The following SIPA1L3 variants were observed in gnomAD, a reference collection of about 807,000 sequenced individuals.
SIPA1L3 encodes signal induced proliferation associated 1 like 3.
SIPA1L3 carries 59 observed loss-of-function variants against 150.1 expected under a neutral mutation model. The ratio of observed to expected loss-of-function variants is 0.39; its 90% CI spans 0.32 to 0.49. The LOEUF is 0.49. Ranked by LOEUF, SIPA1L3 falls within the 20% of genes least tolerant of loss-of-function variation. SIPA1L3 has a pLI of 0.86. For synonymous variants in SIPA1L3, 1,070 were observed against 1,077.6 expected, an observed-to-expected ratio of 0.99 and a Z score of 0.14; for missense variants, 2,211 against 2,489.5, an observed-to-expected ratio of 0.89 and a Z score of 2.38.
At position 38,082,629 on chromosome 19, in the gene SIPA1L3, C is replaced by A; in HGVS notation, c.1064C>A (p.Ala355Glu). Residue 355 changes from alanine (A) to glutamate (E), a missense_variant, in exon 3 of 22, where the codon GCG (alanine) becomes GAG (glutamate). Physicochemically the swap from Ala to Glu is moderately radical, Grantham distance 107. Coordinates refer to ENST00000222345, the MANE Select transcript of SIPA1L3 (RefSeq NM_015073.3). ...VQSMLFDLNE[A>E]AANRVSVSQR... ...AGCATGCTGTTCGACCTCAACGAGG[C>A]GGCCGCCAACAGGGTGTCGGTGTCG... 1 of 1,605,326 alleles carries A rather than the reference C, an allele frequency of 6.2e-7. No individual in the cohort carries two copies. Among genetic ancestry groups the A allele is most frequent in the Non-Finnish European group, 8.5e-7 (1 of 1,179,754 alleles).
intron 19 of SIPA1L3, chr19:38,199,756 T>C (rs565846470): frequency 7.9e-4 from 120 of 152,170 alleles, no homozygotes; most frequent in African/African-American, 2.7e-3. Context: ...AATGAAGATA[T>C]ATGTGGGTTT....
chr19:38,121,509 G>A (rs1420711889), intron 9 of SIPA1L3, among the ~76,000 whole-genome samples: 1 of 151,780 alleles, frequency 6.6e-6, no homozygotes, highest in Non-Finnish European at 1.5e-5. Flanking sequence ...GGGAGGCCGA[G>A]GTGGGCAGAT....
At chr19:37,961,698 A>G (rs1313552441) in intron 1 of SIPA1L3, among the ~76,000 whole-genome samples, 5 of 150,926 alleles carry the variant, frequency 3.3e-5, no homozygotes, top group Non-Finnish European at 7.4e-5. Flanking sequence ...ACTTGTTCAG[A>G]TTTTTTTTTC....
At chr19:38,151,824 C>T (rs1180933210) in intron 12 of SIPA1L3, among the ~76,000 whole-genome samples, 3 of 152,006 alleles carry the variant, frequency 2.0e-5, no homozygotes, top group South Asian at 2.1e-4. Context: ...ATTAGCCGGG[C>T]GTGTAACATG....
chr19:37,921,226 G>A (rs1041675648), intron 1 of SIPA1L3, among the ~76,000 whole-genome samples: 54 of 152,204 alleles, frequency 3.5e-4, no homozygotes, highest in African/African-American at 1.3e-3. Flanking sequence ...ACGCCTTTAC[G>A]GCCGGCCGGC....
chr19:38,156,747 C>A (rs918110682), intron 13 of SIPA1L3, among the ~76,000 whole-genome samples: 5 of 152,166 alleles, frequency 3.3e-5, no homozygotes, highest in African/African-American at 9.7e-5. Context: ...ATCGCTTGAA[C>A]CCGGGAGACA....
At position 37,986,043 on chromosome 19, in the gene SIPA1L3, G is replaced by A. The variant is rs16978759; in HGVS notation, c.-378-43046G>A. 7.6e-3 allele frequency among the ~76,000 whole-genome samples: 1,159 copies of A among 152,366 alleles called. 20 individuals are homozygous for A. The highest frequency in any genetic ancestry group is 0.06 in the East Asian group (313 of 5,184). On this transcript the variant is annotated intron_variant, in intron 1 of 21. Transcript: ENST00000222345. ...TCAGCTCAAAGCTGTCTGCCCTAGA[G>A]AAGCTCCAGAAAGCAGCCAAGCCAG...
intron 2 of SIPA1L3, among the ~76,000 whole-genome samples, chr19:38,038,969 C>T (rs1485458734): frequency 6.6e-6 from 1 of 152,120 alleles, no homozygotes; most frequent in Non-Finnish European, 1.5e-5. Context: ...CCACAACCTC[C>T]GCCTCCGAGG....
intron 12 of SIPA1L3, 113 bp downstream of exon 12, chr19:38,142,823 G>A: frequency 7.3e-7 from 1 of 1,376,988 alleles, no homozygotes; most frequent in East Asian, 2.3e-5. Context: ...TGGTGTTTCT[G>A]GACCCCTGAA....
rs1017820722 is a variant in SIPA1L3, at chr19:37,977,730, A to G, written c.-378-51359A>G. Among the ~76,000 whole-genome samples, 11 of 152,204 alleles carry G rather than the reference A, an allele frequency of 7.2e-5. No homozygotes were observed. The South Asian group carries it at 1.2e-3, about 17-fold the overall frequency. On this transcript the variant is annotated intron_variant, in intron 1 of 21. Transcript: ENST00000222345. ...CCTCCATGCTCAGTAACTGGACTCA[A>G]CAAATGTTGGTTACTTCCCTGCTTT...
At chr19:38,135,339 G>A (rs10460171) in intron 10 of SIPA1L3, among the ~76,000 whole-genome samples, 12 of 151,826 alleles carry the variant, frequency 7.9e-5, no homozygotes, top group Admixed American at 4.6e-4. Flanking sequence ...GGGTGTCTCC[G>A]GTTCCCAGCC....
At chr19:38,148,599 A>C (rs761596897) in intron 12 of SIPA1L3, among the ~76,000 whole-genome samples, 2 of 152,004 alleles carry the variant, frequency 1.3e-5, no homozygotes, top group African/African-American at 2.4e-5. Context: ...TCACCTGTCT[A>C]TTGTTTCATC....
intron 1 of SIPA1L3, among the ~76,000 whole-genome samples, chr19:37,984,148 C>A (rs1967280409): frequency 6.6e-6 from 1 of 152,152 alleles, no homozygotes; most frequent in Non-Finnish European, 1.5e-5. Flanking sequence ...TGTGTGAGCC[C>A]TGCGCAGGGC....
chr19:37,917,865 T>A (rs922331327), intron 1 of SIPA1L3, among the ~76,000 whole-genome samples: 1 of 152,056 alleles, frequency 6.6e-6, no homozygotes, highest in African/African-American at 2.4e-5. Flanking sequence ...ATTAGCTGGG[T>A]ATGGTGGCTT....
At chr19:37,979,338 CAGGAGT>C (rs1967146835) in intron 1 of SIPA1L3, among the ~76,000 whole-genome samples, 1 of 151,796 alleles carries the variant, frequency 6.6e-6, no homozygotes, top group South Asian at 2.1e-4. Flanking sequence ...TTCCTGAGGT[CAGGAGT>C]TTGAGACCAG....
intron 15 of SIPA1L3, among the ~76,000 whole-genome samples, chr19:38,180,346 G>C (rs1266057157): frequency 6.6e-6 from 1 of 151,462 alleles, no homozygotes; most frequent in Non-Finnish European, 1.5e-5. Context: ...CTTTTTTATA[G>C]AAGTGGGGTC....
chr19:38,139,205 AAAC>A (rs1971513928), intron 10 of SIPA1L3, among the ~76,000 whole-genome samples: 1 of 152,118 alleles, frequency 6.6e-6, no homozygotes, highest in Admixed American at 6.6e-5. Context: ...CAAAAAAAAC[AAAC>A]AACTGATGCT....
intron 9 of SIPA1L3, among the ~76,000 whole-genome samples, chr19:38,123,078 C>T (rs1449602612): frequency 6.6e-6 from 1 of 152,084 alleles, no homozygotes; most frequent in African/African-American, 2.4e-5. Context: ...CTATAGTGGC[C>T]GCAATAGTGA....
In SIPA1L3 at chr19:38,186,923, C is replaced by T. The variant is rs377484610; in HGVS notation, c.4430+4183C>T. 7.6e-4 allele frequency among the ~76,000 whole-genome samples: 114 copies of T among 149,236 alleles called. 1 individual carries two copies. In the East Asian group the frequency reaches 0.015, roughly 20 times the overall value. ...TCGGGAGGCTGAGGCAGGAGAATTG[C>T]TTGAACCCAGGAGGCGGAGGTTGTG... On this transcript the variant is annotated intron_variant, in intron 16 of 21. Transcript: ENST00000222345.
Sources: allele counts gnomAD v4.1 joint callset (sites outside exome capture counted in the v4.1 genomes callset), GRCh38; gene constraint gnomAD v4.1.1; transcripts MANE v1.5; gene names NCBI Gene and HGNC (gene_info 2026-07-23, HGNC 2026-07-21).